Variants in IRF8 observed in about 807,000 individuals in gnomAD.
The protein encoded by IRF8 is interferon regulatory factor 8.
Under a neutral mutation model 48.7 loss-of-function variants are expected in IRF8, and 14 were observed. The ratio of observed to expected loss-of-function variants is 0.29; its 90% CI spans 0.19 to 0.45. The LOEUF is 0.45. IRF8 is among the 20% of genes least tolerant of loss of function. The pLI is 1.00. For missense variants in IRF8, 493 were observed against 580.7 expected (o/e 0.85, Z 1.55); for synonymous variants, 278 against 227.3 (o/e 1.22, Z -2.01).
chr16:85,916,611 C>T (rs1002887957), intron 6 of IRF8, among the ~76,000 whole-genome samples: 5 of 152,290 alleles, frequency 3.3e-5, no homozygotes, highest in African/African-American at 7.2e-5. Flanking sequence ...CTTAGCTGTT[C>T]CGGGTGAAGC....
rs370642229 is a variant in IRF8, at chr16:85,921,117, G to A, written c.1116G>A (p.Leu372=). The A allele has an allele frequency of 1.5e-5, 24 of 1,613,472 alleles. No homozygotes were observed. The African/African-American group carries it at 2.5e-4, about 17-fold the overall frequency. Residue 372 remains leucine (L), a synonymous_variant, in exon 9 of 9, where the codon CTG becomes CTA. Coordinates refer to ENST00000268638, the MANE Select transcript of IRF8 (RefSeq NM_002163.4). Reference sequence around the variant, plus strand: ...CACCTCCCATCTAGATTGAGCAGCTGTATGTCCGGCAACTGGCAGAAGAGG... The same window carrying A: ...CACCTCCCATCTAGATTGAGCAGCTATATGTCCGGCAACTGGCAGAAGAGG... ...SKLILVQIEQ[L]YVRQLAEEAG...
At chr16:85,914,259 C>A in intron 5 of IRF8, 1 of 610,882 alleles carries the variant, frequency 1.6e-6, no homozygotes. Flanking sequence ...GGAAGTCCCC[C>A]CGACTTGCCA....
In IRF8 at chr16:85,921,432, G is replaced by T; in HGVS notation, c.*150G>T. 1.2e-6 allele frequency: 1 copy of T among 844,070 alleles called. No homozygotes were observed. The highest frequency in any genetic ancestry group is 1.4e-5 in the South Asian group (1 of 70,084). 52.3% of individuals were successfully genotyped at this position (844,070 alleles called of 1,614,324 possible). A position where few individuals can be genotyped will look rare whatever the true frequency, so the allele number is the denominator to read the frequency against. ...ATTTAATAAGGGCATTCTCGGAGGA[G>T]TAGACGTTTAATACGAAGTGGCGGC... On this transcript the variant is annotated 3_prime_UTR_variant, in exon 9 of 9. Transcript: ENST00000268638.
At chr16:85,903,798 T>C (rs1904903834) in intron 2 of IRF8, among the ~76,000 whole-genome samples, 4 of 152,206 alleles carry the variant, frequency 2.6e-5, no homozygotes, top group Admixed American at 2.6e-4. Flanking sequence ...TCTGCTCACA[T>C]GATCCTGTGT....
At chr16:85,902,839 T>C in intron 1 of IRF8, 176 bp from the exon 2 acceptor site, 1 of 703,068 alleles carries the variant, frequency 1.4e-6, no homozygotes, top group Non-Finnish European at 2.5e-6. Flanking sequence ...TGTGAGGTCA[T>C]GGAGGCCAGC....
rs574338902 is a variant in IRF8 at position 85,911,797 on chromosome 16, C to A, written c.447+139C>A. ...TGAGGAAGTGGCATCTCCACCTGTA[C>A]AGATCTGGAACGGAAGGACTGGCTG... On this transcript the variant is annotated intron_variant, in intron 4 of 8. Coordinates refer to ENST00000268638, the MANE Select transcript of IRF8 (RefSeq NM_002163.4). 1.9e-5 allele frequency: 14 copies of A among 723,732 alleles called. No individual in the cohort carries two copies. In the Admixed American group the frequency reaches 2.7e-4, roughly 14 times the overall value. The allele number at this position is 723,732 out of a possible 1,614,324, so 44.8% of individuals were successfully genotyped here.
At position 85,918,748 on chromosome 16, in the gene IRF8, C is replaced by A; in HGVS notation, c.933C>A (p.Asn311Lys). The A allele has an allele frequency of 1.9e-6, 3 of 1,612,342 alleles. No individual in the cohort carries two copies. Among genetic ancestry groups the A allele is most frequent in the East Asian group, 2.2e-5 (1 of 44,890 alleles). Residue 311 changes from asparagine (N) to lysine (K), a missense_variant, in exon 7 of 9, where the codon AAC becomes AAA. Coordinates refer to ENST00000268638, the MANE Select transcript of IRF8 (RefSeq NM_002163.4). ...GNAVVCKGRPNKLERDEVVQV... is the reference protein window; with the variant it reads ...GNAVVCKGRPKKLERDEVVQV... ...CCGTGGTGTGCAAAGGCAGGCCCAA[C>A]AAGCTGGAGCGTGATGAGGTGGTCC...
intron 2 of IRF8, among the ~76,000 whole-genome samples, chr16:85,906,056 A>G (rs540864685): frequency 2.6e-4 from 40 of 152,316 alleles, no homozygotes; most frequent in South Asian, 1.0e-3. Context: ...ACATGACGAC[A>G]AGGGGGGAAA....
chr16:85,921,776 A>T lies in IRF8; in HGVS notation c.*494A>T, dbSNP rs981560333. The stretch of plus-strand genomic sequence containing the variant: ...TCTTTTTACTTTTATGCATTTTAAT[A>T]AGATTTAAAAATATTTAGATTAAAG... On this transcript the variant is annotated 3_prime_UTR_variant, in exon 9 of 9. Transcript: ENST00000268638. 5.4e-6 allele frequency: 1 copy of T among 185,564 alleles called. No individual in the cohort carries two copies. Among genetic ancestry groups the T allele is most frequent in the Admixed American group, 5.4e-5 (1 of 18,380 alleles). The allele number at this position is 185,564 out of a possible 1,614,324, so 11.5% of individuals were successfully genotyped here. A position where few individuals can be genotyped will look rare whatever the true frequency, so the allele number is the denominator to read the frequency against.
intron 3 of IRF8, among the ~76,000 whole-genome samples, chr16:85,910,976 C>G (rs544952224): frequency 6.6e-6 from 1 of 152,248 alleles, no homozygotes; most frequent in Admixed American, 6.5e-5. Flanking sequence ...AGAGCAGAGG[C>G]TGGCCCAGCG....
rs535759506 is a variant in IRF8 at position 85,909,304 on chromosome 16, C to A, written c.358+131C>A. Reference sequence around the variant, plus strand: ...TTCAGTTAAACAAAGCAGTTCTCTCCTTCGTGTAAGCAGAAATTGAGATCT... The same window carrying A: ...TTCAGTTAAACAAAGCAGTTCTCTCATTCGTGTAAGCAGAAATTGAGATCT... On this transcript the variant is annotated intron_variant, in intron 3 of 8. Coordinates refer to ENST00000268638, the MANE Select transcript of IRF8 (RefSeq NM_002163.4). 157 of 756,386 alleles carry A rather than the reference C, an allele frequency of 2.1e-4. 2 individuals carry two copies. In the South Asian group the frequency reaches 2.2e-3, roughly 11 times the overall value. 46.9% of individuals were successfully genotyped at this position (756,386 alleles called of 1,614,324 possible). A position where few individuals can be genotyped will look rare whatever the true frequency, so the allele number is the denominator to read the frequency against.
chr16:85,907,666 G>T (rs112654554), intron 2 of IRF8, among the ~76,000 whole-genome samples: 1 of 152,020 alleles, frequency 6.6e-6, no homozygotes, highest in African/African-American at 2.4e-5. Context: ...GACAGAGTGA[G>T]ACTCCGTCTC....
At chr16:85,920,016 C>A in intron 7 of IRF8, 93 bp from the exon 8 acceptor site, 1 of 909,334 alleles carries the variant, frequency 1.1e-6, no homozygotes, top group Non-Finnish European at 1.8e-6. Context: ...ATGCTACAAG[C>A]CCTGGGCCTC....
At chr16:85,914,741 G>A (rs1258611690) in intron 6 of IRF8, among the ~76,000 whole-genome samples, 3 of 151,994 alleles carry the variant, frequency 2.0e-5, no homozygotes, top group African/African-American at 7.3e-5. Context: ...AGGATGAGCA[G>A]GACCTGGTGT....
chr16:85,912,336 A>G (rs1905169766), intron 4 of IRF8, among the ~76,000 whole-genome samples: 1 of 152,268 alleles, frequency 6.6e-6, no homozygotes, highest in African/African-American at 2.4e-5. Flanking sequence ...GGACATTTGC[A>G]TGACTAAACC....
In IRF8 at chr16:85,913,135, C is replaced by G. The variant is rs1287628750; in HGVS notation, c.452C>G (p.Ser151Cys). ...CTCCCTCCCCTGACTGTGCAGCCTT[C>G]TGTGGACGATTACATGGGGATGATC... ...SEIDELIKEP[S>C]VDDYMGMIKR... is the part of the protein sequence containing the mutation. Residue 151 changes from serine (S) to cysteine (C), a missense_variant, in exon 5 of 9, where the codon TCT (serine) becomes TGT (cysteine). Transcript: ENST00000268638. 1 of 1,613,620 alleles carries G rather than the reference C, an allele frequency of 6.2e-7. No individual in the cohort carries two copies. The highest frequency in any genetic ancestry group is 1.3e-5 in the African/African-American group (1 of 74,936).
At chr16:85,908,168 C>T (rs305080) in intron 2 of IRF8, among the ~76,000 whole-genome samples, 63,624 of 152,098 alleles carry the variant, frequency 0.42, 14,490 homozygotes, top group African/African-American at 0.61. Flanking sequence ...GAGGACACTG[C>T]CTGATTTTTC....
At chr16:85,905,539 C>T (rs1486268344) in intron 2 of IRF8, among the ~76,000 whole-genome samples, 3 of 152,150 alleles carry the variant, frequency 2.0e-5, no homozygotes, top group East Asian at 1.9e-4. Context: ...AGGAGGGAGA[C>T]GCGGGTGCCC....
intron 2 of IRF8, among the ~76,000 whole-genome samples, chr16:85,908,394 A>T (rs1360742068): frequency 6.6e-6 from 1 of 151,960 alleles, no homozygotes; most frequent in African/African-American, 2.4e-5. Flanking sequence ...CAGATCTATT[A>T]AAAAAAACAC....
Sources: allele counts gnomAD v4.1 joint callset (sites outside exome capture counted in the v4.1 genomes callset), GRCh38; gene constraint gnomAD v4.1.1; transcripts MANE v1.5; gene names NCBI Gene and HGNC (gene_info 2026-07-23, HGNC 2026-07-21).